The following GRIP1 variants were observed in gnomAD, a reference collection of about 807,000 sequenced individuals.
The protein encoded by GRIP1 is glutamate receptor interacting protein 1.
GRIP1 carries 45 observed loss-of-function variants against 129.9 expected under a neutral mutation model. That is an observed-to-expected ratio of 0.35 (90% confidence interval 0.27 to 0.44). The LOEUF is 0.44. Among genes scored for constraint, GRIP1 ranks in the 20% least tolerant of loss-of-function variants. GRIP1 has a pLI of 1.00. For synonymous variants in GRIP1, 530 were observed against 520.8 expected (o/e 1.02, Z -0.24); for missense variants, 1,196 against 1,396.8 (o/e 0.86, Z 2.29).
rs535833396 is a variant in GRIP1 at position 66,924,827 on chromosome 12, G to A, written c.58+144223C>T. On this transcript the variant is annotated intron_variant, in intron 1 of 1. Coordinates refer to the GRIP1 transcript ENST00000643019. Reference sequence around the variant, plus strand: ...TTAAAAAAATACCAAAAAATTAGCCGGGTGTGGTGGCGGGTGCCTGTAGTC... The same window carrying A: ...TTAAAAAAATACCAAAAAATTAGCCAGGTGTGGTGGCGGGTGCCTGTAGTC... 1.5e-3 allele frequency among the ~76,000 whole-genome samples: 229 copies of A among 152,220 alleles called. 1 individual carries two copies. The highest frequency in any genetic ancestry group is 0.012 in the South Asian group (58 of 4,810).
intron 1 of GRIP1, among the ~76,000 whole-genome samples, chr12:66,616,942 A>G (rs932823718): frequency 2.0e-5 from 3 of 152,068 alleles, no homozygotes; most frequent in Admixed American, 6.6e-5. Flanking sequence ...ATACCCATCT[A>G]CTAGAATAAA....
chr12:66,738,469 C>T (rs967899517), intron 1 of GRIP1, among the ~76,000 whole-genome samples: 2 of 152,110 alleles, frequency 1.3e-5, no homozygotes, highest in African/African-American at 4.8e-5. Flanking sequence ...GATCTGCCTG[C>T]CTCGGCCTCC....
At chr12:66,358,922 G>A (rs931353377) in intron 23 of GRIP1, among the ~76,000 whole-genome samples, 3 of 152,154 alleles carry the variant, frequency 2.0e-5, no homozygotes, top group African/African-American at 7.2e-5. Flanking sequence ...CTCTCTGCCC[G>A]AGGTTCCTGC....
chr12:66,909,555 C>T (rs1372131706), intron 1 of GRIP1, among the ~76,000 whole-genome samples: 1 of 152,166 alleles, frequency 6.6e-6, no homozygotes, highest in African/African-American at 2.4e-5. Flanking sequence ...GACCTTGCTG[C>T]CTTCACACTC....
intron 2 of GRIP1, among the ~76,000 whole-genome samples, chr12:66,571,965 C>G (rs2062974287): frequency 6.6e-6 from 1 of 152,134 alleles, no homozygotes; most frequent in Non-Finnish European, 1.5e-5. Context: ...AGAAGTAGGG[C>G]TGGTGTATGC....
chr12:66,804,830 ATT>A (rs1049500118), upstream of GRIP1, among the ~76,000 whole-genome samples: 14 of 152,192 alleles, frequency 9.2e-5, no homozygotes, highest in African/African-American at 2.9e-4. Context: ...TGCATATCAT[ATT>A]AATAAGCAGC....
chr12:66,407,841 T>C (rs991720018), intron 15 of GRIP1, among the ~76,000 whole-genome samples: 35 of 152,146 alleles, frequency 2.3e-4, no homozygotes, highest in African/African-American at 8.0e-4. Flanking sequence ...GGGGGGCATG[T>C]GACCTAGTGA....
chr12:66,788,188 A>G (rs2038417152), intron 1 of GRIP1, among the ~76,000 whole-genome samples: 1 of 152,082 alleles, frequency 6.6e-6, no homozygotes, highest in African/African-American at 2.4e-5. Context: ...TACTATCGGG[A>G]CAACACTGAG....
At chr12:66,566,942 G>A (rs550356869) in intron 2 of GRIP1, among the ~76,000 whole-genome samples, 12 of 152,296 alleles carry the variant, frequency 7.9e-5, no homozygotes, top group Middle Eastern at 6.8e-3. Flanking sequence ...AGTATTCTCT[G>A]ATGGTAGTTT....
chr12:66,444,256 G>T (rs1191274908), intron 13 of GRIP1, among the ~76,000 whole-genome samples: 1 of 151,926 alleles, frequency 6.6e-6, no homozygotes, highest in East Asian at 1.9e-4. Flanking sequence ...GGAGGCCGAG[G>T]CGGGTGGATC....
At chr12:66,698,667 C>T (rs1414712536) in intron 1 of GRIP1, among the ~76,000 whole-genome samples, 2 of 152,162 alleles carry the variant, frequency 1.3e-5, no homozygotes, top group African/African-American at 2.4e-5. Flanking sequence ...TGGCCCCCCA[C>T]CTCCTTTGTT....
chr12:66,820,050 TC>T (rs2039290982), intron 1 of GRIP1, among the ~76,000 whole-genome samples: 1 of 152,154 alleles, frequency 6.6e-6, no homozygotes. Flanking sequence ...CTGCTGAGGT[TC>T]TCACAGTGAA....
intron 7 of GRIP1, among the ~76,000 whole-genome samples, chr12:66,515,172 T>C (rs2060807397): frequency 6.6e-6 from 1 of 152,110 alleles, no homozygotes; most frequent in Admixed American, 6.6e-5. Flanking sequence ...GATTGTGAAA[T>C]AAATGGTCGT....
chr12:66,981,649 T>C (rs1323816971), intron 1 of GRIP1, among the ~76,000 whole-genome samples: 3 of 152,194 alleles, frequency 2.0e-5, no homozygotes, highest in African/African-American at 2.4e-5. Flanking sequence ...GGTTCTGATA[T>C]ACGTTTATCT....
chr12:67,006,431 G>A (rs1264335909), intron 1 of GRIP1, among the ~76,000 whole-genome samples: 2 of 152,018 alleles, frequency 1.3e-5, no homozygotes, highest in Non-Finnish European at 2.9e-5. Flanking sequence ...TGGGTGTGGT[G>A]GTGCACATCT....
At chr12:66,647,550 C>A (rs762014564) in intron 1 of GRIP1, among the ~76,000 whole-genome samples, 3 of 152,088 alleles carry the variant, frequency 2.0e-5, no homozygotes, top group Non-Finnish European at 1.5e-5. Flanking sequence ...TCATGGTCCT[C>A]CTGCATCTGA....
At chr12:66,656,374 T>A (rs1456004901) in intron 1 of GRIP1, among the ~76,000 whole-genome samples, 1 of 152,116 alleles carries the variant, frequency 6.6e-6, no homozygotes, top group Non-Finnish European at 1.5e-5. Context: ...CTGGGCTTTA[T>A]TGCAAAATCT....
chr12:67,034,368 T>C (rs2043064380), intron 1 of GRIP1, among the ~76,000 whole-genome samples: 1 of 152,186 alleles, frequency 6.6e-6, no homozygotes, highest in South Asian at 2.1e-4. Context: ...AAATGCATTG[T>C]TGTGCAAACA....
intron 1 of GRIP1, among the ~76,000 whole-genome samples, chr12:66,634,529 T>TA: frequency 6.6e-6 from 1 of 152,174 alleles, no homozygotes; most frequent in South Asian, 2.1e-4. Context: ...AAATTACTCT[T>TA]CCTGAGACAC....
Sources: allele counts gnomAD v4.1 joint callset (sites outside exome capture counted in the v4.1 genomes callset), GRCh38; gene constraint gnomAD v4.1.1; transcripts MANE v1.5; gene names NCBI Gene and HGNC (gene_info 2026-07-23, HGNC 2026-07-21).